PLD5: variants seen among roughly 807,000 people sequenced by gnomAD.
PLD5 encodes the protein phospholipase D family member 5, also known as inactive phospholipase D5.
In PLD5, 36 loss-of-function variants were observed where a neutral mutation model predicts 61.1. The ratio of observed to expected loss-of-function variants is 0.59; its 90% CI spans 0.45 to 0.78. The LOEUF (loss-of-function observed/expected upper bound fraction) is 0.78, where lower values mean the gene tolerates loss of function less well. Among genes scored for constraint, PLD5 ranks in the 30% least tolerant of loss-of-function variants. PLD5 has a pLI of 0.00. For missense variants in PLD5, 515 were observed against 644.4 expected, an observed-to-expected ratio of 0.80 and a Z score of 2.17; for synonymous variants, 243 against 242.8, an observed-to-expected ratio of 1.00 and a Z score of -0.01.
intron 8 of PLD5, among the ~76,000 whole-genome samples, chr1:242,107,342 G>C (rs531818018): frequency 6.0e-4 from 92 of 152,238 alleles, no homozygotes; most frequent in African/African-American, 2.1e-3. Context: ...GAGCCTGGGA[G>C]TCAAGGCTGC....
In PLD5 at chr1:242,336,459, T is replaced by C. The variant is rs546856963; in HGVS notation, c.326+11647A>G. Among the ~76,000 whole-genome samples, 3 of 152,304 alleles carry C rather than the reference T, an allele frequency of 2.0e-5. No homozygotes were observed. The East Asian group carries it at 5.8e-4, about 29-fold the overall frequency. On this transcript the variant is annotated intron_variant, in intron 2 of 9. Transcript: ENST00000536534. ...AGTTGAATTATTTATATCATATTCA[T>C]ACAATGAGTGCCATGCAGCCATGGA...
chr1:242,174,856 A>G lies in PLD5; in HGVS notation c.735+45132T>C, dbSNP rs534008103. On this transcript the variant is annotated intron_variant, in intron 5 of 9. Transcript: ENST00000536534. The stretch of plus-strand genomic sequence containing the variant: ...TAGGTGGGAACTGAACAATGAGAAC[A>G]CCTGGACATAGGAAGGGGAACGTCA... Among the ~76,000 whole-genome samples the G allele has an allele frequency of 2.2e-4, 33 of 152,128 alleles. No homozygotes were observed. The South Asian group carries it at 6.9e-3, about 32-fold the overall frequency.
chr1:242,257,481 A>G (rs894871781), intron 4 of PLD5, among the ~76,000 whole-genome samples: 5 of 152,196 alleles, frequency 3.3e-5, no homozygotes, highest in African/African-American at 1.2e-4. Context: ...GAGGTCCCCA[A>G]GCTCTAGGAT....
At chr1:242,425,881 G>C (rs574971719) in intron 1 of PLD5, among the ~76,000 whole-genome samples, 4 of 151,984 alleles carry the variant, frequency 2.6e-5, no homozygotes, top group African/African-American at 9.6e-5. Flanking sequence ...CTGACCTTGT[G>C]ATCGGCCCAC....
chr1:242,198,206 C>G (rs1018162366), intron 5 of PLD5, among the ~76,000 whole-genome samples: 6 of 152,198 alleles, frequency 3.9e-5, no homozygotes, highest in Non-Finnish European at 7.3e-5. Flanking sequence ...CTGCGGAAAT[C>G]TCTTGGCAGA....
chr1:242,293,076 T>C (rs1157717950), intron 2 of PLD5, among the ~76,000 whole-genome samples: 1 of 152,232 alleles, frequency 6.6e-6, no homozygotes, highest in Non-Finnish European at 1.5e-5. Flanking sequence ...CACATTCTTA[T>C]AAGATTTTAT....
At chr1:242,454,685 A>T (rs570482592) in intron 1 of PLD5, among the ~76,000 whole-genome samples, 1 of 152,328 alleles carries the variant, frequency 6.6e-6, no homozygotes, top group South Asian at 2.1e-4. Flanking sequence ...TGTAATAGAA[A>T]GGAAATTAAG....
intron 1 of PLD5, chr1:242,449,414 G>C (rs1195680115): frequency 1.4e-5 from 22 of 1,535,926 alleles, no homozygotes; most frequent in Non-Finnish European, 1.8e-5. Flanking sequence ...TGTCGCTGAT[G>C]TGCTGCTTCC....
intron 1 of PLD5, among the ~76,000 whole-genome samples, chr1:242,358,333 C>A (rs923169259): frequency 6.6e-6 from 1 of 151,710 alleles, no homozygotes; most frequent in Non-Finnish European, 1.5e-5. Context: ...TCCTGCATTG[C>A]TGTTTATGCA....
chr1:242,358,183 T>C (rs1471464720), intron 1 of PLD5, among the ~76,000 whole-genome samples: 1 of 152,218 alleles, frequency 6.6e-6, no homozygotes, highest in African/African-American at 2.4e-5. Context: ...GTTTTTGAAG[T>C]TCACTTAACT....
At chr1:242,525,848 G>A (rs1572293401), upstream of PLD5, among the ~76,000 whole-genome samples, 1 of 152,174 alleles carries the variant, frequency 6.6e-6, no homozygotes, top group Non-Finnish European at 1.5e-5. Flanking sequence ...AAATGGTATA[G>A]TAAAAATAGT....
intron 5 of PLD5, among the ~76,000 whole-genome samples, chr1:242,124,901 T>C (rs930542568): frequency 5.3e-5 from 8 of 152,252 alleles, no homozygotes; most frequent in African/African-American, 1.7e-4. Context: ...TAGTCATCTA[T>C]AATTTCTTAT....
chr1:242,382,433 C>T (rs1662351430), intron 1 of PLD5, among the ~76,000 whole-genome samples: 1 of 152,094 alleles, frequency 6.6e-6, no homozygotes, highest in Admixed American at 6.6e-5. Context: ...AACAGAAAGA[C>T]AGGAGAGACT....
At chr1:242,191,126 GTTT>G (rs34902467) in intron 5 of PLD5, among the ~76,000 whole-genome samples, 1 of 133,114 alleles carries the variant, frequency 7.5e-6, no homozygotes, top group African/African-American at 2.7e-5. Context: ...AAACTATGGA[GTTT>G]TTTTTTTTTT....
chr1:242,438,239 G>A (rs1160193807), intron 1 of PLD5, among the ~76,000 whole-genome samples: 1 of 151,530 alleles, frequency 6.6e-6, no homozygotes, highest in Admixed American at 6.6e-5. Context: ...CAGCATGTAT[G>A]GTTGCTTGCA....
chr1:242,529,375 C>G (rs1669507412), upstream of PLD5, among the ~76,000 whole-genome samples: 1 of 152,176 alleles, frequency 6.6e-6, no homozygotes, highest in Non-Finnish European at 1.5e-5. Context: ...TGTTTGACCA[C>G]CTACTCCAGT....
At chr1:242,456,292 C>T (rs553958626) in intron 1 of PLD5, among the ~76,000 whole-genome samples, 3 of 151,946 alleles carry the variant, frequency 2.0e-5, no homozygotes, top group South Asian at 2.1e-4. Flanking sequence ...CTACAGGTGA[C>T]GATTTACAAA....
At chr1:242,225,486 A>T (rs914549757) in intron 4 of PLD5, among the ~76,000 whole-genome samples, 8 of 151,382 alleles carry the variant, frequency 5.3e-5, no homozygotes, top group African/African-American at 1.9e-4. Context: ...CACATAACGC[A>T]TGTGAGACCC....
At chr1:242,116,640 C>A (rs956172457) in intron 6 of PLD5, among the ~76,000 whole-genome samples, 22 of 151,650 alleles carry the variant, frequency 1.5e-4, no homozygotes, top group African/African-American at 5.4e-4. Flanking sequence ...ATGTTTACCT[C>A]CCACTTATAA....
Sources: gnomAD v4.1 joint callset for allele counts (sites outside exome capture counted in the v4.1 genomes callset) on GRCh38, gnomAD v4.1.1 for gene constraint, MANE v1.5 for transcripts, NCBI Gene and HGNC (gene_info 2026-07-23, HGNC 2026-07-21) for gene names.